PPFIA2: variants seen among roughly 807,000 people sequenced by gnomAD.
PPFIA2 encodes PPFI scaffold protein A2, also known as liprin-alpha-2.
In PPFIA2, 46 loss-of-function variants were observed where a neutral mutation model predicts 175.5. The ratio of observed to expected loss-of-function variants is 0.26; its 90% CI spans 0.21 to 0.34. The LOEUF (loss-of-function observed/expected upper bound fraction) is 0.34, where lower values mean the gene tolerates loss of function less well. Among genes scored for constraint, PPFIA2 ranks in the 10% least tolerant of loss-of-function variants. The pLI, the probability that PPFIA2 is intolerant of heterozygous loss-of-function variation, is 1.00. For missense variants in PPFIA2, 1,179 were observed against 1,506.1 expected (o/e 0.78, Z 3.60); for synonymous variants, 568 against 511.4 (o/e 1.11, Z -1.49).
intron 4 of PPFIA2, among the ~76,000 whole-genome samples, chr12:81,663,966 T>A (rs1394906244): frequency 6.6e-6 from 1 of 152,188 alleles, no homozygotes; most frequent in Non-Finnish European, 1.5e-5. Flanking sequence ...TAAATGGTGC[T>A]GGGAAAGCTG....
chr12:81,726,005 T>C (rs1427212829), intron 3 of PPFIA2, among the ~76,000 whole-genome samples: 2 of 151,022 alleles, frequency 1.3e-5, no homozygotes, highest in Non-Finnish European at 3.0e-5. Flanking sequence ...TTCCAAGTCC[T>C]CTCTCATATT....
At chr12:81,477,596 A>G (rs1475436331) in intron 4 of PPFIA2, among the ~76,000 whole-genome samples, 1 of 152,056 alleles carries the variant, frequency 6.6e-6, no homozygotes, top group Non-Finnish European at 1.5e-5. Flanking sequence ...TAGTTTATTG[A>G]GAGTTTTTAG....
At chr12:81,431,873 CCTCT>C (rs1178793448) in intron 7 of PPFIA2, among the ~76,000 whole-genome samples, 1 of 152,130 alleles carries the variant, frequency 6.6e-6, no homozygotes, top group African/African-American at 2.4e-5. Flanking sequence ...CTCAGATCTG[CCTCT>C]CTCTGTCACC....
chr12:81,691,970 A>G (rs2075295732), intron 3 of PPFIA2, among the ~76,000 whole-genome samples: 1 of 151,964 alleles, frequency 6.6e-6, no homozygotes, highest in African/African-American at 2.4e-5. Context: ...CCTCTCTTAC[A>G]TGTAGATGTT....
intron 4 of PPFIA2, among the ~76,000 whole-genome samples, chr12:81,551,525 C>T (rs908099875): frequency 2.6e-5 from 4 of 151,806 alleles, no homozygotes; most frequent in South Asian, 2.1e-4. Flanking sequence ...ACATAGTATT[C>T]GCATTGTATT....
intron 4 of PPFIA2, among the ~76,000 whole-genome samples, chr12:81,596,600 G>T (rs987202417): frequency 2.0e-5 from 3 of 152,078 alleles, no homozygotes; most frequent in Admixed American, 1.3e-4. Context: ...CCTCTGTCAT[G>T]ACCGAGCATA....
chr12:81,636,480 T>G (rs1203554795), intron 4 of PPFIA2, among the ~76,000 whole-genome samples: 11 of 151,086 alleles, frequency 7.3e-5, no homozygotes, highest in African/African-American at 2.7e-4. Context: ...TTAGCCAGGA[T>G]GGTCTCGATC....
intron 4 of PPFIA2, among the ~76,000 whole-genome samples, chr12:81,584,643 C>A (rs935523019): frequency 2.7e-5 from 4 of 150,638 alleles, no homozygotes; most frequent in African/African-American, 7.3e-5. Flanking sequence ...GCATAGCTTA[C>A]TGCTCCTAGG....
At chr12:81,442,006 G>T (rs1313614825) in intron 6 of PPFIA2, among the ~76,000 whole-genome samples, 1 of 152,006 alleles carries the variant, frequency 6.6e-6, no homozygotes, top group East Asian at 1.9e-4. Context: ...TACATGGTAG[G>T]TTAATATATC....
chr12:81,362,440 T>C (rs778349775), intron 15 of PPFIA2, among the ~76,000 whole-genome samples: 1 of 151,278 alleles, frequency 6.6e-6, no homozygotes, highest in Admixed American at 6.6e-5. Flanking sequence ...TTTTAATATA[T>C]TTATATATAT....
intron 2 of PPFIA2, among the ~76,000 whole-genome samples, chr12:81,756,874 C>T (rs2084759339): frequency 6.6e-6 from 1 of 151,924 alleles, no homozygotes; most frequent in Non-Finnish European, 1.5e-5. Flanking sequence ...CTCTTCAAAT[C>T]CAATTTATAA....
intron 17 of PPFIA2, among the ~76,000 whole-genome samples, chr12:81,347,997 A>AT (rs556425365): frequency 3.5e-4 from 53 of 151,822 alleles, no homozygotes; most frequent in African/African-American, 5.8e-4. Flanking sequence ...CAAATGATAC[A>AT]TTTTTTCCTG....
chr12:81,702,301 T>C (rs1438124763), intron 3 of PPFIA2, among the ~76,000 whole-genome samples: 1 of 152,138 alleles, frequency 6.6e-6, no homozygotes, highest in African/African-American at 2.4e-5. Flanking sequence ...CTTGGTCCAT[T>C]TTCTTTCCCC....
intron 15 of PPFIA2, among the ~76,000 whole-genome samples, chr12:81,358,844 A>C (rs1262218648): frequency 6.6e-6 from 1 of 152,142 alleles, no homozygotes; most frequent in Non-Finnish European, 1.5e-5. Flanking sequence ...GTTTTTAATA[A>C]GACATTGTTT....
chr12:81,720,146 T>C (rs1439816432), intron 3 of PPFIA2, among the ~76,000 whole-genome samples: 1 of 151,468 alleles, frequency 6.6e-6, no homozygotes, highest in Non-Finnish European at 1.5e-5. Context: ...TGAAGAAGCA[T>C]GGCCTACATC....
intron 21 of PPFIA2, among the ~76,000 whole-genome samples, chr12:81,331,541 C>T (rs781583984): frequency 2.0e-5 from 3 of 152,050 alleles, no homozygotes; most frequent in Non-Finnish European, 4.4e-5. Context: ...TGAGTTCAGA[C>T]AATTATAATA....
intron 4 of PPFIA2, among the ~76,000 whole-genome samples, chr12:81,543,719 C>A (rs541966420): frequency 1.3e-5 from 2 of 151,956 alleles, no homozygotes; most frequent in African/African-American, 4.8e-5. Flanking sequence ...TGAAGAAACC[C>A]GACAAACAAT....
At chr12:81,380,267 G>A (rs972304180) in intron 9 of PPFIA2, among the ~76,000 whole-genome samples, 1 of 152,128 alleles carries the variant, frequency 6.6e-6, no homozygotes, top group African/African-American at 2.4e-5. Context: ...TCCAAAGGCT[G>A]AGGTGAGAGG....
intron 4 of PPFIA2, among the ~76,000 whole-genome samples, chr12:81,644,514 T>A (rs1456893997): frequency 6.6e-6 from 1 of 152,092 alleles, no homozygotes; most frequent in Non-Finnish European, 1.5e-5. Flanking sequence ...ATTGCAGACT[T>A]GTATTGAGTC....
Sources: gnomAD v4.1 joint callset for allele counts (sites outside exome capture counted in the v4.1 genomes callset) on GRCh38, gnomAD v4.1.1 for gene constraint, MANE v1.5 for transcripts, NCBI Gene and HGNC (gene_info 2026-07-23, HGNC 2026-07-21) for gene names.